Variants in LRFN5 observed in about 807,000 individuals in gnomAD.
LRFN5 encodes leucine-rich repeat and fibronectin type-III domain-containing protein 5.
LRFN5 carries 24 observed loss-of-function variants against 45.6 expected under a neutral mutation model. That is an observed-to-expected ratio of 0.53 (90% CI 0.38 to 0.74). The LOEUF is 0.74. LRFN5 is among the 30% of genes least tolerant of loss of function. The pLI is 0.00. For missense variants in LRFN5, 776 were observed against 861.5 expected (o/e 0.90, Z 1.24); for synonymous variants, 340 against 313.8 (o/e 1.08, Z -0.88).
intron 2 of LRFN5, among the ~76,000 whole-genome samples, chr14:41,847,529 G>T (rs1023639073): frequency 2.0e-5 from 3 of 151,776 alleles, no homozygotes; most frequent in Admixed American, 6.6e-5. Context: ...ACATCACCAT[G>T]GTTAGTATCT....
chr14:41,836,265 G>C (rs1205739998), intron 2 of LRFN5, among the ~76,000 whole-genome samples: 1 of 152,042 alleles, frequency 6.6e-6, no homozygotes. Flanking sequence ...AGTATTCTTT[G>C]ACAAAGTTTT....
At chr14:41,694,421 A>G (rs1882511707) in intron 1 of LRFN5, among the ~76,000 whole-genome samples, 1 of 151,928 alleles carries the variant, frequency 6.6e-6, no homozygotes, top group African/African-American at 2.4e-5. Flanking sequence ...CTATATATAA[A>G]TTCTACAAAT....
At chr14:41,889,774 GT>G (rs1285405040) in intron 3 of LRFN5, among the ~76,000 whole-genome samples, 3 of 152,074 alleles carry the variant, frequency 2.0e-5, no homozygotes, top group Admixed American at 1.3e-4. Flanking sequence ...TATAAATTAG[GT>G]CATATTCAGT....
chr14:41,726,508 T>C (rs940568681), intron 1 of LRFN5, among the ~76,000 whole-genome samples: 1 of 152,174 alleles, frequency 6.6e-6, no homozygotes, highest in Non-Finnish European at 1.5e-5. Flanking sequence ...GCCTGAATTT[T>C]CATAGGGGCA....
chr14:41,814,772 CA>C (rs1217141064), intron 2 of LRFN5, among the ~76,000 whole-genome samples: 3 of 143,378 alleles, frequency 2.1e-5, no homozygotes, highest in Admixed American at 6.7e-5. Context: ...ATATGTTAGA[CA>C]AATGGACAAA....
At chr14:41,897,095 A>G (rs1271339769) in intron 4 of LRFN5, among the ~76,000 whole-genome samples, 2 of 135,958 alleles carry the variant, frequency 1.5e-5, no homozygotes, top group Non-Finnish European at 3.3e-5. Context: ...TGTCAAAATA[A>G]ATAAATAAAT....
chr14:41,697,088 C>T (rs551018178), intron 1 of LRFN5, among the ~76,000 whole-genome samples: 6 of 151,882 alleles, frequency 4.0e-5, no homozygotes, highest in Admixed American at 6.6e-5. Flanking sequence ...ATGATAACCT[C>T]CTAAAACTTG....
In LRFN5 at chr14:41,904,475, T is replaced by C; in HGVS notation, c.*300T>C. The C allele has an allele frequency of 3.2e-6, 1 of 313,526 alleles. No homozygotes were observed. The highest frequency in any genetic ancestry group is 5.8e-6 in the Non-Finnish European group (1 of 172,554). 19.4% of individuals were successfully genotyped at this position (313,526 alleles called of 1,614,324 possible). ...TGTATCAATCCATCTTACATTGCCA[T>C]CCATGATTTAACAGACTGTAGAATC... On this transcript the variant is annotated 3_prime_UTR_variant, in exon 6 of 6. Coordinates refer to ENST00000298119, the MANE Select transcript of LRFN5 (RefSeq NM_152447.5).
intron 1 of LRFN5, among the ~76,000 whole-genome samples, chr14:41,608,917 C>A (rs1309541379): frequency 6.6e-6 from 1 of 152,170 alleles, no homozygotes; most frequent in African/African-American, 2.4e-5. Context: ...CCAACCCTTT[C>A]CAGATTGTGA....
At position 41,891,875 on chromosome 14, in the gene LRFN5, A is replaced by T; in HGVS notation, c.2011A>T (p.Asn671Tyr). Residue 671 changes from asparagine to tyrosine, a missense_variant, in exon 4 of 6, where the codon AAC (asparagine) becomes TAC (tyrosine). Asn to Tyr is a moderately radical substitution (Grantham distance 143). Transcript: ENST00000298119. ...TNVESQNTNR[N>Y]NSTALQLASR... ...TGTTGAATCCCAAAACACTAACAGG[A>T]ACAACTCAACTGCCTTGCAGTTAGC... 6.2e-7 allele frequency: 1 copy of T among 1,614,226 alleles called. No homozygotes were observed. Among genetic ancestry groups the T allele is most frequent in the South Asian group, 1.1e-5 (1 of 91,082 alleles).
intron 1 of LRFN5, among the ~76,000 whole-genome samples, chr14:41,667,742 T>A (rs1327162391): frequency 6.6e-6 from 1 of 152,192 alleles, no homozygotes; most frequent in Non-Finnish European, 1.5e-5. Context: ...TTTGGAATGC[T>A]GGTGGCCTGT....
intron 1 of LRFN5, among the ~76,000 whole-genome samples, chr14:41,695,644 A>G (rs545682140): frequency 2.6e-5 from 4 of 151,970 alleles, no homozygotes; most frequent in Non-Finnish European, 5.9e-5. Flanking sequence ...ATGGAACGAC[A>G]AAGCCTGGAT....
At chr14:41,782,575 T>C (rs1231673283) in intron 2 of LRFN5, among the ~76,000 whole-genome samples, 10 of 152,188 alleles carry the variant, frequency 6.6e-5, no homozygotes, top group African/African-American at 2.4e-4. Flanking sequence ...TTGCCTGTTG[T>C]GATACCTTGT....
Position 41,775,093 on chromosome 14 carries a change from C to CTTTTTTTTTTTTTTTTTTTTTT in LRFN5, c.-21+8079_-21+8080insTTTTTTTTTTTTTTTTTTTTTT, listed in dbSNP as rs59438733. On this transcript the variant is annotated intron_variant, in intron 2 of 5. Coordinates refer to ENST00000298119, the MANE Select transcript of LRFN5 (RefSeq NM_152447.5). ...AGATTTGATGCTACTTTTTCTTTTT[C>CTTTTTTTTTTTTTTTTTTTTTT]TTTTTTTTTTTTTTTGAGACGGAGT... 8.0e-5 allele frequency among the ~76,000 whole-genome samples: 9 copies of CTTTTTTTTTTTTTTTTTTTTTT among 112,492 alleles called. 1 individual carries two copies. Among genetic ancestry groups the CTTTTTTTTTTTTTTTTTTTTTT allele is most frequent in the Admixed American group, 1.1e-4 (1 of 9,362 alleles). 73.8% of individuals were successfully genotyped at this position (112,492 alleles called of 152,430 possible).
intron 2 of LRFN5, among the ~76,000 whole-genome samples, chr14:41,813,181 A>G (rs1210794748): frequency 6.6e-6 from 1 of 152,120 alleles, no homozygotes; most frequent in Non-Finnish European, 1.5e-5. Flanking sequence ...AATTACATTA[A>G]CAATTTCATC....
chr14:41,756,096 C>T (rs928856686), intron 1 of LRFN5, among the ~76,000 whole-genome samples: 2 of 152,160 alleles, frequency 1.3e-5, no homozygotes, highest in African/African-American at 2.4e-5. Context: ...TATTGGCCCC[C>T]ACTCTCTTCT....
At chr14:41,658,907 C>A (rs1880499654) in intron 1 of LRFN5, among the ~76,000 whole-genome samples, 1 of 151,960 alleles carries the variant, frequency 6.6e-6, no homozygotes, top group Non-Finnish European at 1.5e-5. Context: ...ACTTCAGTTT[C>A]ACTTACTTAA....
chr14:41,853,496 G>C (rs1472345124), intron 2 of LRFN5, among the ~76,000 whole-genome samples: 2 of 152,062 alleles, frequency 1.3e-5, no homozygotes, highest in Non-Finnish European at 2.9e-5. Flanking sequence ...TGCCACAGTA[G>C]TAACTCTTAA....
Position 41,892,241 on chromosome 14 carries a change from T to G in LRFN5, c.2098+279T>G, listed in dbSNP as rs1890811294. ...TCATTTTGAGAACTCACATAGAAGATTGGAATTTGCAATTCCAATGCTGTG... is the reference window on the plus strand; with the variant it reads ...TCATTTTGAGAACTCACATAGAAGAGTGGAATTTGCAATTCCAATGCTGTG... On this transcript the variant is annotated intron_variant, in intron 4 of 5. Coordinates refer to ENST00000298119, the MANE Select transcript of LRFN5 (RefSeq NM_152447.5). 7.1e-6 allele frequency: 7 copies of G among 984,936 alleles called. No homozygotes were observed. The South Asian group carries it at 2.4e-4, about 33-fold the overall frequency. 61.0% of individuals were successfully genotyped at this position (984,936 alleles called of 1,614,324 possible). A position where few individuals can be genotyped will look rare whatever the true frequency, so the allele number is the denominator to read the frequency against.
Sources: gnomAD v4.1 joint callset for allele counts (sites outside exome capture counted in the v4.1 genomes callset) on GRCh38, gnomAD v4.1.1 for gene constraint, MANE v1.5 for transcripts, NCBI Gene and HGNC (gene_info 2026-07-23, HGNC 2026-07-21) for gene names.